MX2: variants seen among roughly 807,000 people sequenced by gnomAD.
MX2 encodes the protein MX dynamin like GTPase 2, also known as interferon-induced GTP-binding protein Mx2.
Under a neutral mutation model 74.0 loss-of-function variants are expected in MX2, and 51 were observed. The ratio of observed to expected loss-of-function variants is 0.69; its 90% confidence interval spans 0.55 to 0.87. MX2 has a LOEUF of 0.87. MX2 is among the 40% of genes least tolerant of loss of function. The probability of loss-of-function intolerance (pLI) is 0.00; values close to 1 mark genes in which losing one functional copy is unlikely to be tolerated. For synonymous variants in MX2, 369 were observed against 339.3 expected (o/e 1.09, Z -0.96); for missense variants, 832 against 908.7 (o/e 0.92, Z 1.09).
At chr21:41,373,543 T>A (rs2089354785) in intron 1 of MX2, among the ~76,000 whole-genome samples, 1 of 152,036 alleles carries the variant, frequency 6.6e-6, no homozygotes, top group Admixed American at 6.5e-5. Context: ...CTCCAGCTGC[T>A]CTGTCCACAG....
chr21:41,392,129 C>G (rs1213070718), intron 6 of MX2, among the ~76,000 whole-genome samples: 1 of 152,128 alleles, frequency 6.6e-6, no homozygotes, highest in Admixed American at 6.6e-5. Flanking sequence ...GCCTCCAGAT[C>G]CATCCCACAG....
chr21:41,387,691 T>G (rs2089599632), intron 5 of MX2, among the ~76,000 whole-genome samples: 1 of 152,168 alleles, frequency 6.6e-6, no homozygotes, highest in Non-Finnish European at 1.5e-5. Flanking sequence ...TAAATACCAC[T>G]TCAGCGATTC....
intron 3 of MX2, among the ~76,000 whole-genome samples, chr21:41,378,239 G>T (rs796946501): frequency 9.2e-5 from 9 of 97,678 alleles, no homozygotes; most frequent in South Asian, 6.1e-4. Flanking sequence ...ACAGACCATT[G>T]GGAGAGACAG....
At chr21:41,399,108 G>A (rs1358564116) in intron 9 of MX2, 88 bp from the exon 10 acceptor site, 3 of 1,594,714 alleles carry the variant, frequency 1.9e-6, no homozygotes, top group African/African-American at 2.7e-5. Flanking sequence ...CATGAGATGA[G>A]GTGGGCGGGT....
chr21:41,386,398 C>T (rs1321301558), intron 5 of MX2, among the ~76,000 whole-genome samples: 1 of 152,086 alleles, frequency 6.6e-6, no homozygotes, highest in African/African-American at 2.4e-5. Flanking sequence ...CATGAGAGAA[C>T]AGGGTCACAG....
intron 6 of MX2, among the ~76,000 whole-genome samples, chr21:41,394,982 A>AGAAGGAAGGAAG (rs147857177): frequency 1.3e-5 from 2 of 151,048 alleles, no homozygotes; most frequent in African/African-American, 4.9e-5. Context: ...AAGCAAGGAA[A>AGAAGGAAGGAAG]GAAGGAAGGA....
chr21:41,395,040 C>A (rs965622188), intron 6 of MX2, among the ~76,000 whole-genome samples: 3 of 152,018 alleles, frequency 2.0e-5, no homozygotes, highest in Admixed American at 1.3e-4. Context: ...TCAACATACA[C>A]AAACAAGAAA....
chr21:41,389,459 T>C (rs553151642), intron 5 of MX2: 1 of 152,160 alleles, frequency 6.6e-6, no homozygotes, highest in Non-Finnish European at 1.5e-5. Flanking sequence ...AGTTTAAGAT[T>C]GGGGTGAGCC....
intron 5 of MX2, chr21:41,390,352 C>A: frequency 1.8e-6 from 1 of 568,520 alleles, no homozygotes; most frequent in South Asian, 2.0e-5. Flanking sequence ...ACATGCCAGC[C>A]GTGGGCTTTG....
intron 6 of MX2, among the ~76,000 whole-genome samples, chr21:41,391,005 CA>C (rs776077046): frequency 0.017 from 1,950 of 115,910 alleles, 19 homozygotes; most frequent in Non-Finnish European, 0.024. Context: ...GACTCCATCT[CA>C]AAAAAAAAAA....
chr21:41,401,877 C>T, intron 10 of MX2, 93 bp from the exon 11 acceptor site: 1 of 1,390,698 alleles, frequency 7.2e-7, no homozygotes, highest in Non-Finnish European at 9.8e-7. Context: ...CCTCTGCGTA[C>T]AGTGGGGAGC....
rs117870245 is a variant in MX2, at chr21:41,375,570, G to A, written c.-71-1266G>A. Among the ~76,000 whole-genome samples, 74 of 152,352 alleles carry A rather than the reference G, an allele frequency of 4.9e-4. 1 individual carries two copies. In the South Asian group the frequency reaches 5.6e-3, roughly 12 times the overall value. On this transcript the variant is annotated intron_variant, in intron 1 of 13. Coordinates refer to ENST00000330714, the MANE Select transcript of MX2 (RefSeq NM_002463.2). ...CCCTGGCCTGGGCTGCAGCACTGCA[G>A]TCTCTGCCTCTGTCTTCACAGGCCC...
intron 6 of MX2, among the ~76,000 whole-genome samples, chr21:41,394,924 C>A (rs2089713410): frequency 7.0e-6 from 1 of 142,852 alleles, no homozygotes; most frequent in South Asian, 2.4e-4. Flanking sequence ...AGCGAGACTC[C>A]ATCTCAAAAA....
intron 1 of MX2, among the ~76,000 whole-genome samples, chr21:41,375,458 C>T (rs1379039802): frequency 6.6e-6 from 1 of 152,214 alleles, no homozygotes; most frequent in Non-Finnish European, 1.5e-5. Context: ...ATCAAGGTGT[C>T]GGCAGAGCTG....
chr21:41,404,890 AAG>A (rs1260782339), intron 12 of MX2: 25 of 150,022 alleles, frequency 1.7e-4, no homozygotes, highest in African/African-American at 5.5e-4. Context: ...AAAAAAAAAA[AAG>A]AAAAAGAAAA....
At chr21:41,376,216 C>A (rs777406352) in intron 1 of MX2, among the ~76,000 whole-genome samples, 3 of 152,114 alleles carry the variant, frequency 2.0e-5, no homozygotes, top group Non-Finnish European at 2.9e-5. Context: ...AGACCTGATG[C>A]CATAGATGAC....
rs983954578 is a variant in MX2, at chr21:41,377,795, G to A, written c.256G>A (p.Glu86Lys). ...NRSQPRAMGP[E>K]NNLYSQYEQK... ...TCTGTTCTGCCTTCTCCAGGGGCCCGAGAACAACCTGTACAGCCAGTACGA... is the reference window on the plus strand; with the variant it reads ...TCTGTTCTGCCTTCTCCAGGGGCCCAAGAACAACCTGTACAGCCAGTACGA... The change falls in exon 3 of 14, where the codon GAG (glutamate) becomes AAG (lysine). Residue 86 changes from glutamate (E) to lysine (K), a missense_variant. Glu to Lys is a moderately conservative substitution (Grantham distance 56). Transcript: ENST00000330714. The A allele has an allele frequency of 7.5e-6, 12 of 1,609,156 alleles. No individual in the cohort carries two copies. Among genetic ancestry groups the A allele is most frequent in the South Asian group, 4.4e-5 (4 of 90,980 alleles).
chr21:41,382,065 G>A (rs887962168), intron 4 of MX2, among the ~76,000 whole-genome samples: 2 of 152,246 alleles, frequency 1.3e-5, no homozygotes, highest in African/African-American at 4.8e-5. Flanking sequence ...AGGGAGGAAT[G>A]TTGAAGGATT....
Position 41,377,008 on chromosome 21 carries a change from G to A in MX2, c.102G>A (p.Pro34=), listed in dbSNP as rs61730271. The A allele has an allele frequency of 2.9e-3, 4,737 of 1,614,128 alleles. 114 individuals carry two copies. The African/African-American group carries it at 0.052, about 18-fold the overall frequency. ...KEMNSFQQQP[P]PFGTVPPQMM... is the part of the protein sequence containing the mutation. ...TGAATTCCTTCCAGCAACAGCCACC[G>A]CCATTCGGCACAGTGCCACCACAAA... Residue 34 remains proline, a synonymous_variant, in exon 2 of 14, where the codon CCG becomes CCA. Coordinates refer to ENST00000330714, the MANE Select transcript of MX2 (RefSeq NM_002463.2).
Sources: allele counts gnomAD v4.1 joint callset (sites outside exome capture counted in the v4.1 genomes callset), GRCh38; gene constraint gnomAD v4.1.1; transcripts MANE v1.5; gene names NCBI Gene and HGNC (gene_info 2026-07-23, HGNC 2026-07-21).